The following TRAK1 variants were observed in gnomAD, a reference collection of about 807,000 sequenced individuals.
The protein encoded by TRAK1 is trafficking kinesin-binding protein 1.
A neutral mutation model predicts 92.1 loss-of-function variants in TRAK1; 33 were observed. The ratio of observed to expected loss-of-function variants is 0.36; its 90% confidence interval spans 0.27 to 0.48. TRAK1 has a LOEUF of 0.48. TRAK1 is among the 20% of genes least tolerant of loss of function. The probability of loss-of-function intolerance (pLI) is 0.99; values close to 1 mark genes in which losing one functional copy is unlikely to be tolerated. For missense variants in TRAK1, 1,123 were observed against 1,257.9 expected (o/e 0.89, Z 1.62); for synonymous variants, 521 against 517.3 (o/e 1.01, Z -0.10).
intron 3 of TRAK1, among the ~76,000 whole-genome samples, chr3:42,184,097 T>TA (rs71288048): frequency 0.1 from 15,771 of 152,200 alleles, 925 homozygotes; most frequent in Non-Finnish European, 0.13. Flanking sequence ...CTTTTCTAAG[T>TA]AAAAAAACAG....
upstream of TRAK1, among the ~76,000 whole-genome samples, chr3:42,082,309 C>T (rs1362680509): frequency 6.6e-6 from 1 of 152,066 alleles, no homozygotes; most frequent in East Asian, 1.9e-4. Flanking sequence ...GAAATCTTCA[C>T]ATATTAGGGC....
At chr3:42,059,135 C>T (rs1703323428) in intron 1 of TRAK1, among the ~76,000 whole-genome samples, 1 of 151,896 alleles carries the variant, frequency 6.6e-6, no homozygotes, top group South Asian at 2.1e-4. Flanking sequence ...TGTTCTGTTG[C>T]CCAGGCTGGA....
At chr3:42,129,062 G>A (rs891524619) in intron 2 of TRAK1, among the ~76,000 whole-genome samples, 1 of 151,910 alleles carries the variant, frequency 6.6e-6, no homozygotes, top group Non-Finnish European at 1.5e-5. Context: ...TGTATTTTAC[G>A]TCTTCAAAGC....
intron 1 of TRAK1, among the ~76,000 whole-genome samples, chr3:42,095,408 CA>C (rs1365027473): frequency 2.0e-5 from 3 of 152,156 alleles, no homozygotes; most frequent in African/African-American, 7.2e-5. Flanking sequence ...TTACTAATTT[CA>C]TTTACTGTTA....
intron 2 of TRAK1, among the ~76,000 whole-genome samples, chr3:42,170,879 A>G (rs950255438): frequency 6.7e-6 from 1 of 149,410 alleles, no homozygotes; most frequent in Non-Finnish European, 1.5e-5. Flanking sequence ...GCTGGAGTGC[A>G]GTGGCATGAT....
intron 1 of TRAK1, 128 bp from the exon 2 acceptor site, chr3:42,125,292 C>A: frequency 1.3e-6 from 1 of 784,142 alleles, no homozygotes; most frequent in Non-Finnish European, 2.0e-6. Context: ...CCTGATATAG[C>A]CTTGTCTAGC....
chr3:42,163,053 T>C (rs1701445130), intron 2 of TRAK1, among the ~76,000 whole-genome samples: 1 of 152,236 alleles, frequency 6.6e-6, no homozygotes, highest in Non-Finnish European at 1.5e-5. Flanking sequence ...ATTCATGCAT[T>C]GAACCTTTAA....
chr3:42,159,208 A>C (rs1175586132), intron 2 of TRAK1, among the ~76,000 whole-genome samples: 1 of 152,084 alleles, frequency 6.6e-6, no homozygotes, highest in Non-Finnish European at 1.5e-5. Flanking sequence ...TGTGTAGAAA[A>C]TTGTTTTATG....
At chr3:42,059,271 T>C (rs75930447) in intron 1 of TRAK1, among the ~76,000 whole-genome samples, 1 of 151,994 alleles carries the variant, frequency 6.6e-6, no homozygotes, top group Non-Finnish European at 1.5e-5. Flanking sequence ...TTTTAAAAAA[T>C]TTTTATTAGA....
chr3:42,124,278 A>G (rs1227233359), intron 1 of TRAK1, among the ~76,000 whole-genome samples: 1 of 152,130 alleles, frequency 6.6e-6, no homozygotes, highest in Non-Finnish European at 1.5e-5. Context: ...CACTTGGTTT[A>G]TTTATGGGTT....
At chr3:42,125,348 A>G (rs1710421075) in intron 1 of TRAK1, 72 bp from the exon 2 acceptor site, 2 of 1,412,384 alleles carry the variant, frequency 1.4e-6, no homozygotes, top group Non-Finnish European at 1.9e-6. Flanking sequence ...GCCGCAGGCT[A>G]CAAGTTTAGT....
At chr3:42,221,499 C>T (rs1354248126) in intron 15 of TRAK1, among the ~76,000 whole-genome samples, 2 of 152,116 alleles carry the variant, frequency 1.3e-5, no homozygotes, top group Non-Finnish European at 2.9e-5. Context: ...AGGGAGGGGG[C>T]CCCTTCTCTG....
intron 1 of TRAK1, among the ~76,000 whole-genome samples, chr3:42,065,252 CAAAT>C (rs1460826119): frequency 6.6e-6 from 1 of 152,048 alleles, no homozygotes; most frequent in Non-Finnish European, 1.5e-5. Flanking sequence ...ACTCCCATCT[CAAAT>C]AAATAAATAA....
chr3:42,052,009 T>A (rs1576186090), intron 1 of TRAK1, among the ~76,000 whole-genome samples: 1 of 152,344 alleles, frequency 6.6e-6, no homozygotes, highest in African/African-American at 2.4e-5. Context: ...TATGACAGCT[T>A]AGCATGTGAC....
At chr3:42,218,004 T>G (rs965243429) in intron 14 of TRAK1, 1 of 985,368 alleles carries the variant, frequency 1.0e-6, no homozygotes, top group South Asian at 4.7e-5. Flanking sequence ...GGCTGAGAGT[T>G]TTCTCCTGTG....
chr3:42,139,599 TC>T (rs1465453148), intron 2 of TRAK1, among the ~76,000 whole-genome samples: 1 of 152,180 alleles, frequency 6.6e-6, no homozygotes, highest in Non-Finnish European at 1.5e-5. Flanking sequence ...ACCCTCATGG[TC>T]CCTGGGCTTA....
At chr3:42,105,630 C>T (rs969528247) in intron 1 of TRAK1, among the ~76,000 whole-genome samples, 9 of 152,204 alleles carry the variant, frequency 5.9e-5, no homozygotes, top group African/African-American at 1.7e-4. Flanking sequence ...CCCAACCTAG[C>T]GAGGCAGGCC....
In TRAK1 at chr3:42,202,420, C is replaced by T. The variant is rs780351860; in HGVS notation, c.1428-16C>T. The T allele has an allele frequency of 8.1e-6, 12 of 1,474,000 alleles. No homozygotes were observed. In the Admixed American group the frequency reaches 1.9e-4, roughly 23 times the overall value. 91.3% of individuals were successfully genotyped at this position (1,474,000 alleles called of 1,614,324 possible). ...CCCTGCTGGCATTCCACCCTCACAC[C>T]CCTTTCTTCTTCCAGAAACGATGAG... On this transcript the variant is annotated splice_polypyrimidine_tract_variant and intron_variant, in intron 12 of 15. Coordinates refer to ENST00000327628, the MANE Select transcript of TRAK1 (RefSeq NM_001042646.3). The surrounding 1 kb of genome is among the most constrained non-coding windows in gnomAD (Gnocchi z 6.1).
At chr3:42,079,474 C>CTTTTTTTTTTTTTTTTT (rs374173062) in intron 1 of TRAK1, among the ~76,000 whole-genome samples, 2 of 133,944 alleles carry the variant, frequency 1.5e-5, no homozygotes, top group Non-Finnish European at 1.6e-5. Context: ...GAAGCTCCTT[C>CTTTTTTTTTTTTTTTTT]TTCTTTTTTT....
Sources: allele counts gnomAD v4.1 joint callset (sites outside exome capture counted in the v4.1 genomes callset), GRCh38; gene constraint gnomAD v4.1.1; non-coding constraint Gnocchi (gnomAD v3.1); transcripts MANE v1.5; gene names NCBI Gene and HGNC (gene_info 2026-07-23, HGNC 2026-07-21).